The following CASD1 variants were observed in gnomAD, a reference collection of about 807,000 sequenced individuals.
CASD1 encodes CAS1 domain sialic acid O acetyltransferase 1.
Under a neutral mutation model 100.0 loss-of-function variants are expected in CASD1, and 41 were observed. The ratio of observed to expected loss-of-function variants is 0.41; its 90% CI spans 0.32 to 0.53. CASD1 has a LOEUF of 0.53. Ranked by LOEUF, CASD1 falls within the 20% of genes least tolerant of loss-of-function variation. The pLI, the probability that CASD1 is intolerant of heterozygous loss-of-function variation, is 0.25. For synonymous variants in CASD1, 321 were observed against 315.6 expected (o/e 1.02, Z -0.18); for missense variants, 774 against 948.7 (o/e 0.82, Z 2.42).
chr7:94,602,238 A>G, the CASD1 span, among the ~76,000 whole-genome samples: 6 of 152,078 alleles, frequency 3.9e-5, no homozygotes, highest in African/African-American at 1.4e-4. Context: ...AAATTTTCCT[A>G]TAATAATTGA....
At chr7:94,632,290 G>C in the CASD1 span, among the ~76,000 whole-genome samples, 1 of 151,904 alleles carries the variant, frequency 6.6e-6, no homozygotes, top group Non-Finnish European at 1.5e-5. Flanking sequence ...TTAAAGAAAG[G>C]GTACCTGCCA....
the CASD1 span, chr7:94,603,274 C>T: frequency 1.2e-6 from 2 of 1,604,782 alleles, no homozygotes; most frequent in Non-Finnish European, 1.7e-6. Context: ...CTTGCAAAAA[C>T]AAAATAAAAA....
the CASD1 span, among the ~76,000 whole-genome samples, chr7:94,615,209 A>C: frequency 6.6e-6 from 1 of 152,104 alleles, no homozygotes; most frequent in Non-Finnish European, 1.5e-5. Flanking sequence ...AAATACAAAA[A>C]TTAGCCAGGC....
the CASD1 span, chr7:94,585,392 A>G: frequency 1.1e-5 from 11 of 984,324 alleles, no homozygotes; most frequent in Non-Finnish European, 1.6e-5. Context: ...GCCAACATGC[A>G]TAACATATGC....
the CASD1 span, chr7:94,624,098 A>G: frequency 2.5e-6 from 1 of 396,314 alleles, no homozygotes; most frequent in Admixed American, 4.4e-5. Context: ...ATATGGCTTC[A>G]AAACTTAAGG....
the CASD1 span, among the ~76,000 whole-genome samples, chr7:94,592,837 G>T: frequency 5.3e-5 from 8 of 152,090 alleles, no homozygotes; most frequent in Non-Finnish European, 1.2e-4. Flanking sequence ...TAAAGCCACA[G>T]AATCCATGCC....
the CASD1 span, chr7:94,588,747 C>T: frequency 1.4e-5 from 23 of 1,613,422 alleles, no homozygotes; most frequent in Middle Eastern, 1.7e-4. Context: ...AAATGATGAA[C>T]ATTTTTGAGT....
chr7:94,559,445 T>A (rs1001459128), downstream of CASD1, among the ~76,000 whole-genome samples: 1 of 152,092 alleles, frequency 6.6e-6, no homozygotes, highest in South Asian at 2.1e-4. Context: ...ACCCTTTGTC[T>A]TTCAGGGATT....
the CASD1 span, among the ~76,000 whole-genome samples, chr7:94,572,934 A>G: frequency 6.6e-6 from 1 of 152,204 alleles, no homozygotes; most frequent in Non-Finnish European, 1.5e-5. Context: ...GACAAATTCC[A>G]ATCTTCTGCA....
the CASD1 span, among the ~76,000 whole-genome samples, chr7:94,581,975 A>T: frequency 6.6e-6 from 1 of 152,184 alleles, no homozygotes; most frequent in Non-Finnish European, 1.5e-5. Flanking sequence ...TGGTTGAACT[A>T]ATTTACACTC....
chr7:94,601,460 A>AAC, the CASD1 span, among the ~76,000 whole-genome samples: 2 of 68,814 alleles, frequency 2.9e-5, no homozygotes, highest in Admixed American at 3.5e-4. Flanking sequence ...AAAAAAAAAA[A>AAC]AAAAAAAAAA....
the CASD1 span, chr7:94,599,803 G>C: frequency 9.8e-7 from 1 of 1,018,938 alleles, no homozygotes; most frequent in Non-Finnish European, 1.5e-6. Context: ...ATGGGATCTT[G>C]CATGATGTGG....
chr7:94,603,713 C>T, the CASD1 span, among the ~76,000 whole-genome samples: 2 of 152,076 alleles, frequency 1.3e-5, no homozygotes, highest in African/African-American at 4.8e-5. Context: ...AACTTTATTT[C>T]ATCCCATTTA....
the CASD1 span, among the ~76,000 whole-genome samples, chr7:94,632,040 C>A: frequency 6.6e-6 from 1 of 151,840 alleles, no homozygotes; most frequent in African/African-American, 2.4e-5. Flanking sequence ...ATACAAAGTA[C>A]GGCAGAGGTA....
chr7:94,628,758 CA>C, the CASD1 span: 1 of 166,796 alleles, frequency 6.0e-6, no homozygotes, highest in Non-Finnish European at 1.3e-5. Flanking sequence ...AAAGATATTC[CA>C]AAATTATAAA....
At chr7:94,629,900 T>G in the CASD1 span, 5 of 1,596,076 alleles carry the variant, frequency 3.1e-6, no homozygotes, top group East Asian at 2.2e-5. Flanking sequence ...ACGCCCTTGA[T>G]AATTCAGCTT....
intron 13 of CASD1, 100 bp downstream of exon 13, chr7:94,547,275 T>C (rs938384562): frequency 1.2e-5 from 9 of 722,260 alleles, no homozygotes; most frequent in Admixed American, 2.9e-5. Flanking sequence ...TTTAGCTTCA[T>C]TTTTTAATGA....
chr7:94,629,910 T>TA, the CASD1 span: 1 of 1,580,134 alleles, frequency 6.3e-7, no homozygotes, highest in Non-Finnish European at 8.7e-7. Flanking sequence ...TAATTCAGCT[T>TA]ACGCTGTTTA....
At chr7:94,569,142 T>C in the CASD1 span, among the ~76,000 whole-genome samples, 2 of 152,124 alleles carry the variant, frequency 1.3e-5, no homozygotes, top group African/African-American at 4.8e-5. Context: ...ATTCCTAGGG[T>C]CCCTATGGAG....
Sources: gnomAD v4.1 joint callset for allele counts (sites outside exome capture counted in the v4.1 genomes callset) on GRCh38, gnomAD v4.1.1 for gene constraint, MANE v1.5 for transcripts, NCBI Gene and HGNC (gene_info 2026-07-23, HGNC 2026-07-21) for gene names.